The following THBS4 variants were observed in gnomAD, a reference collection of about 807,000 sequenced individuals.
THBS4 encodes the protein thrombospondin-4.
THBS4 carries 90 observed loss-of-function variants against 115.7 expected under a neutral mutation model. That is an observed-to-expected ratio of 0.78 (90% CI 0.66 to 0.93). The LOEUF (loss-of-function observed/expected upper bound fraction) is 0.93. Ranked by LOEUF, THBS4 falls within the 40% of genes least tolerant of loss-of-function variation. The probability of loss-of-function intolerance (pLI) is 0.00; values close to 1 mark genes in which losing one functional copy is unlikely to be tolerated. For missense variants in THBS4, 1,087 were observed against 1,232.7 expected, an observed-to-expected ratio of 0.88 and a Z score of 1.77; for synonymous variants, 460 against 479.3, an observed-to-expected ratio of 0.96 and a Z score of 0.53.
At chr5:80,014,718 G>T (rs1042335252) in intron 2 of THBS4, among the ~76,000 whole-genome samples, 2 of 152,158 alleles carry the variant, frequency 1.3e-5, no homozygotes, top group African/African-American at 2.4e-5. Flanking sequence ...CAAGAGTGAG[G>T]AAAATAGCCA....
chr5:80,055,191 TCA>T (rs1833382586), intron 2 of THBS4, among the ~76,000 whole-genome samples: 1 of 151,942 alleles, frequency 6.6e-6, no homozygotes, highest in African/African-American at 2.4e-5. Context: ...GTGTGGTGGC[TCA>T]CACCTGTGGT....
At chr5:80,032,378 G>A (rs1410619474), upstream of THBS4, among the ~76,000 whole-genome samples, 2 of 152,144 alleles carry the variant, frequency 1.3e-5, no homozygotes, top group South Asian at 4.1e-4. Context: ...AAAATTTATT[G>A]TGTGCCTATA....
At chr5:80,038,535 G>A (rs1832789982) in intron 1 of THBS4, among the ~76,000 whole-genome samples, 1 of 152,042 alleles carries the variant, frequency 6.6e-6, no homozygotes, top group Non-Finnish European at 1.5e-5. Flanking sequence ...TTTGGGATGA[G>A]TTTAACCATC....
rs779504738 is a variant in THBS4 at position 80,070,422 on chromosome 5, G to C, written c.1452+12G>C. ...GGAACTGTAAAAAGGTAAGGGGTGT[G>C]GGGTGGCAGTAGGCACACATGCACT... On this transcript the variant is annotated intron_variant, in intron 11 of 21. Coordinates refer to ENST00000350881, the MANE Select transcript of THBS4 (RefSeq NM_003248.6). 5 of 1,612,762 alleles carry C rather than the reference G, an allele frequency of 3.1e-6. No homozygotes were observed. The highest frequency in any genetic ancestry group is 1.7e-4 in the Middle Eastern group (1 of 6,054).
At position 80,070,381 on chromosome 5, in the gene THBS4, C is replaced by T. The variant is rs754976803; in HGVS notation, c.1423C>T (p.Leu475=). 8 of 1,613,708 alleles carry T rather than the reference C, an allele frequency of 5.0e-6. No individual in the cohort carries two copies. The highest frequency in any genetic ancestry group is 6.8e-6 in the Non-Finnish European group (8 of 1,179,864). Residue 475 remains leucine, a synonymous_variant, in exon 11 of 22, where the codon CTG becomes TTG. Transcript: ENST00000350881. ...VDIDSYPDEE[L]PCSARNCKKD... is the part of the protein sequence containing the mutation. ...CATCGACAGTTACCCCGACGAAGAA[C>T]TGCCATGCTCTGCCAGGAACTGTAA...
chr5:79,995,482 A>G (rs1831773104), intron 1 of THBS4, among the ~76,000 whole-genome samples: 2 of 152,028 alleles, frequency 1.3e-5, no homozygotes, highest in South Asian at 4.1e-4. Flanking sequence ...TGACTGATAA[A>G]GGAAGAAGAG....
intron 2 of THBS4, among the ~76,000 whole-genome samples, chr5:80,050,831 C>T (rs766500964): frequency 1.8e-4 from 27 of 152,138 alleles, no homozygotes; most frequent in African/African-American, 3.6e-4. Context: ...CAGATAGAGT[C>T]GGTTAGGTCT....
In THBS4 at chr5:80,078,050, C is replaced by G; in HGVS notation, c.2088C>G (p.Ser696Arg). Residue 696 changes from serine (S) to arginine (R), a missense_variant and splice_region_variant, in exon 17 of 22, where the codon AGC becomes AGG. Ser to Arg is a moderately radical substitution (Grantham distance 110, BLOSUM62 -1). This residue lies in a region of THBS4 where 979 missense variants were observed against 1,103.7 expected (regional missense o/e 0.89). Coordinates refer to ENST00000350881, the MANE Select transcript of THBS4 (RefSeq NM_003248.6). ...VPNPAQEDSN[S>R]DGVGDICESD... ...CTGTCCTTTCTCCACCCCACTCAGGCGACGGAGTGGGAGACATCTGTGAGT... is the reference window on the plus strand; with the variant it reads ...CTGTCCTTTCTCCACCCCACTCAGGGGACGGAGTGGGAGACATCTGTGAGT... 6.4e-7 allele frequency: 1 copy of G among 1,573,180 alleles called. No individual in the cohort carries two copies. Among genetic ancestry groups the G allele is most frequent in the Non-Finnish European group, 8.7e-7 (1 of 1,152,770 alleles).
intron 2 of THBS4, among the ~76,000 whole-genome samples, chr5:80,041,148 C>T (rs1481102257): frequency 6.6e-6 from 1 of 152,186 alleles, no homozygotes; most frequent in African/African-American, 2.4e-5. Context: ...CCAAACCATA[C>T]CACCCGCAGA....
At chr5:80,080,442 C>G (rs1259126725) in intron 20 of THBS4, among the ~76,000 whole-genome samples, 1 of 152,014 alleles carries the variant, frequency 6.6e-6, no homozygotes, top group Non-Finnish European at 1.5e-5. Context: ...GGTCTCTTCT[C>G]CACACCCTCC....
At chr5:80,023,760 C>T (rs1027244057) in intron 2 of THBS4, among the ~76,000 whole-genome samples, 2 of 152,038 alleles carry the variant, frequency 1.3e-5, no homozygotes, top group Non-Finnish European at 2.9e-5. Context: ...CCTGAAGCTG[C>T]TTCAACTCTT....
chr5:80,082,958 C>T (rs992777780), intron 21 of THBS4, 122 bp from the exon 22 acceptor site: 3 of 818,622 alleles, frequency 3.7e-6, no homozygotes, highest in Non-Finnish European at 6.0e-6. Flanking sequence ...GCGGCGAGGG[C>T]CTGCGGGGCG....
intron 2 of THBS4, among the ~76,000 whole-genome samples, chr5:80,054,783 A>C (rs1833369097): frequency 6.6e-6 from 1 of 152,026 alleles, no homozygotes; most frequent in African/African-American, 2.4e-5. Context: ...TTATTATCTA[A>C]CTGAGCATTG....
rs183225712 is a variant in THBS4 at position 80,059,555 on chromosome 5, G to A, written c.784+64G>A. The stretch of plus-strand genomic sequence containing the variant: ...TGATGCAGGCTGATGAAGGGCTTGC[G>A]GTGAGGCTGTGTTGACCGCAGTTTC... On this transcript the variant is annotated intron_variant, in intron 6 of 21. Coordinates refer to ENST00000350881, the MANE Select transcript of THBS4 (RefSeq NM_003248.6). The A allele has an allele frequency of 1.1e-3, 1,800 of 1,603,194 alleles. 2 individuals are homozygous for A. The highest frequency in any genetic ancestry group is 1.7e-3 in the Admixed American group (100 of 59,986).
intron 2 of THBS4, among the ~76,000 whole-genome samples, chr5:80,049,268 A>G (rs935515700): frequency 1.7e-4 from 26 of 152,196 alleles, no homozygotes; most frequent in Admixed American, 7.2e-4. Context: ...CCTGCCAGTC[A>G]CTGAAATCGT....
chr5:80,073,396 T>C, intron 15 of THBS4, 69 bp downstream of exon 15: 1 of 1,474,040 alleles, frequency 6.8e-7, no homozygotes, highest in East Asian at 2.3e-5. Flanking sequence ...GTTTGTTTTT[T>C]TTTTTGAGGC....
At position 80,083,158 on chromosome 5, in the gene THBS4, G is replaced by GTAAC; in HGVS notation, c.*19_*22dup. 6.2e-7 allele frequency: 1 copy of GTAAC among 1,606,970 alleles called. No individual in the cohort carries two copies. Among genetic ancestry groups the GTAAC allele is most frequent in the Non-Finnish European group, 8.5e-7 (1 of 1,173,424 alleles). ...GATAATTAAACCAAGGAAGCAATCT[G>GTAAC]TAACTGCTTTTCGGAACACTAAAAC... is the stretch of plus-strand genomic sequence containing the variant. On this transcript the variant is annotated 3_prime_UTR_variant, in exon 22 of 22. Transcript: ENST00000350881.
chr5:80,072,147 A>G, intron 13 of THBS4, 131 bp from the exon 14 acceptor site: 3 of 748,372 alleles, frequency 4.0e-6, no homozygotes, highest in East Asian at 2.5e-5. Flanking sequence ...CCTCTGGATA[A>G]CTGCAGAAAA....
chr5:80,071,274 G>C (rs180685171), intron 13 of THBS4, 94 bp downstream of exon 13: 4 of 1,490,322 alleles, frequency 2.7e-6, no homozygotes, highest in Non-Finnish European at 3.5e-6. Context: ...CTGATTCGGA[G>C]CCTTCCAGCT....
Sources: allele counts gnomAD v4.1 joint callset (sites outside exome capture counted in the v4.1 genomes callset), GRCh38; gene constraint gnomAD v4.1.1; regional missense constraint gnomAD v4.1.1; transcripts MANE v1.5; gene names NCBI Gene and HGNC (gene_info 2026-07-23, HGNC 2026-07-21).